Variants in RBFOX1 observed in about 807,000 individuals in gnomAD.
The protein encoded by RBFOX1 is RNA binding protein fox-1 homolog 1.
In RBFOX1, 8 loss-of-function variants were observed where a neutral mutation model predicts 57.7. The ratio of observed to expected loss-of-function variants is 0.14; its 90% confidence interval spans 0.08 to 0.25. The LOEUF (loss-of-function observed/expected upper bound fraction) is 0.25. Ranked by LOEUF, RBFOX1 falls within the 10% of genes least tolerant of loss-of-function variation. RBFOX1 has a pLI of 1.00. For synonymous variants in RBFOX1, 326 were observed against 222.4 expected (o/e 1.47, Z -4.15); for missense variants, 611 against 548.5 (o/e 1.11, Z -1.14).
intron 1 of RBFOX1, among the ~76,000 whole-genome samples, chr16:6,089,443 G>A (rs1052838039): frequency 6.6e-6 from 1 of 152,010 alleles, no homozygotes; most frequent in Admixed American, 6.6e-5. Flanking sequence ...ATACACAGAG[G>A]GCCTATAAGG....
At chr16:7,586,369 T>C (rs1827980) in intron 6 of RBFOX1, among the ~76,000 whole-genome samples, 11,663 of 152,204 alleles carry the variant, frequency 0.077, 1,500 homozygotes, top group African/African-American at 0.26. Context: ...AGCCCATACT[T>C]CCTGTTTTGA....
rs191317965 is a variant in RBFOX1 at position 6,766,827 on chromosome 16, A to G, written c.-16+112177A>G. On this transcript the variant is annotated intron_variant, in intron 3 of 15. Coordinates refer to ENST00000550418, the MANE Select transcript of RBFOX1 (RefSeq NM_018723.4). Reference sequence around the variant, plus strand: ...TTTGGTGAAGTTTCAGGCGAGACCTAAAGGATGGGAGGGGATCTGGGGAAG... The same window carrying G: ...TTTGGTGAAGTTTCAGGCGAGACCTGAAGGATGGGAGGGGATCTGGGGAAG... Among the ~76,000 whole-genome samples, 290 of 152,178 alleles carry G rather than the reference A, an allele frequency of 1.9e-3. 1 individual carries two copies. Among genetic ancestry groups the G allele is most frequent in the Non-Finnish European group, 3.6e-3 (247 of 68,008 alleles).
chr16:6,888,588 G>C (rs2064690312), intron 3 of RBFOX1, among the ~76,000 whole-genome samples: 3 of 151,994 alleles, frequency 2.0e-5, no homozygotes, highest in Admixed American at 2.0e-4. Context: ...TGTCCGTAGG[G>C]TTAGAAGTGC....
intron 2 of RBFOX1, among the ~76,000 whole-genome samples, chr16:6,544,623 G>T: frequency 6.6e-6 from 1 of 152,156 alleles, no homozygotes; most frequent in East Asian, 1.9e-4. Flanking sequence ...GTGCATATAA[G>T]AGACTGGATG....
At chr16:7,227,403 C>G (rs2093206770) in intron 4 of RBFOX1, among the ~76,000 whole-genome samples, 1 of 151,742 alleles carries the variant, frequency 6.6e-6, no homozygotes, top group Non-Finnish European at 1.5e-5. Context: ...CCTTCAACTC[C>G]ACAATGCAGG....
At chr16:5,377,165 G>A (rs1253014660) in intron 1 of RBFOX1, among the ~76,000 whole-genome samples, 1 of 151,620 alleles carries the variant, frequency 6.6e-6, no homozygotes, top group Admixed American at 6.5e-5. Flanking sequence ...TGCCAGACAT[G>A]GGGATAAGCC....
At chr16:5,899,102 A>G (rs529832628) in intron 4 of RBFOX1, among the ~76,000 whole-genome samples, 15 of 140,730 alleles carry the variant, frequency 1.1e-4, no homozygotes, top group Non-Finnish European at 2.3e-4. Context: ...CAGTAGTTGC[A>G]CCACTGCACT....
chr16:6,372,251 A>G (rs1439158481), intron 2 of RBFOX1, among the ~76,000 whole-genome samples: 1 of 151,622 alleles, frequency 6.6e-6, no homozygotes, highest in Admixed American at 6.6e-5. Flanking sequence ...GTTGGGTGGA[A>G]TAGAGATTGG....
At chr16:5,622,526 G>A (rs1366666695) in intron 3 of RBFOX1, among the ~76,000 whole-genome samples, 1 of 152,196 alleles carries the variant, frequency 6.6e-6, no homozygotes, top group Non-Finnish European at 1.5e-5. Context: ...ATTTTTAGAA[G>A]TTGACTCTTG....
chr16:5,659,541 G>T (rs2049576994), intron 3 of RBFOX1, among the ~76,000 whole-genome samples: 1 of 152,010 alleles, frequency 6.6e-6, no homozygotes, highest in Non-Finnish European at 1.5e-5. Flanking sequence ...CTGACCTTGT[G>T]ATCCGTCCGC....
intron 3 of RBFOX1, among the ~76,000 whole-genome samples, chr16:6,906,955 C>T (rs534577008): frequency 5.9e-5 from 9 of 152,120 alleles, no homozygotes; most frequent in Non-Finnish European, 1.2e-4. Context: ...AACTCCTGAC[C>T]TTAAGTGATC....
intron 2 of RBFOX1, among the ~76,000 whole-genome samples, chr16:6,333,726 G>A (rs1001557493): frequency 2.0e-5 from 3 of 152,150 alleles, no homozygotes; most frequent in African/African-American, 4.8e-5. Context: ...ACAGACATTA[G>A]GAATTGGCTT....
intron 2 of RBFOX1, among the ~76,000 whole-genome samples, chr16:6,621,387 C>T (rs2098228941): frequency 6.6e-6 from 1 of 152,178 alleles, no homozygotes; most frequent in Non-Finnish European, 1.5e-5. Context: ...TGGCGTGAAC[C>T]CGGGAGGCGG....
At chr16:6,310,587 G>A (rs970255278) in intron 1 of RBFOX1, among the ~76,000 whole-genome samples, 11 of 152,214 alleles carry the variant, frequency 7.2e-5, no homozygotes, top group African/African-American at 2.4e-4. Flanking sequence ...AGCTCCAAGC[G>A]GTCAAGCAGC....
chr16:6,094,589 G>T lies in RBFOX1; in HGVS notation c.-127+74597G>T, dbSNP rs1448922367. Among the ~76,000 whole-genome samples, 3 of 152,158 alleles carry T rather than the reference G, an allele frequency of 2.0e-5. No individual in the cohort carries two copies. In the South Asian group the frequency reaches 6.2e-4, roughly 32 times the overall value. ...GAAAGGGCTAGTTTTGAAGCAGGTA[G>T]GTCATAGATAAGAGCTCTGGAATTC... On this transcript the variant is annotated intron_variant, in intron 1 of 15. Coordinates refer to ENST00000550418, the MANE Select transcript of RBFOX1 (RefSeq NM_018723.4).
At chr16:6,197,486 C>T (rs2097187667) in intron 1 of RBFOX1, among the ~76,000 whole-genome samples, 1 of 152,130 alleles carries the variant, frequency 6.6e-6, no homozygotes, top group South Asian at 2.1e-4. Context: ...CCTGCTCCAC[C>T]TGAGCACAAT....
chr16:6,848,640 G>T (rs1160222092), intron 3 of RBFOX1, among the ~76,000 whole-genome samples: 1 of 152,030 alleles, frequency 6.6e-6, no homozygotes. Flanking sequence ...GATGATGGAA[G>T]GAAGGAAAGG....
intron 1 of RBFOX1, among the ~76,000 whole-genome samples, chr16:6,190,982 GC>G (rs1392462456): frequency 6.6e-6 from 1 of 152,048 alleles, no homozygotes; most frequent in East Asian, 1.9e-4. Context: ...AGATCGGGCA[GC>G]CTCCCAGCCT....
intron 2 of RBFOX1, among the ~76,000 whole-genome samples, chr16:6,423,801 T>A (rs2093843163): frequency 3.9e-5 from 6 of 151,982 alleles, no homozygotes; most frequent in Admixed American, 3.9e-4. Flanking sequence ...AGGAAGGCCA[T>A]GGTCCAGAGG....
Sources: gnomAD v4.1 joint callset for allele counts (sites outside exome capture counted in the v4.1 genomes callset) on GRCh38, gnomAD v4.1.1 for gene constraint, MANE v1.5 for transcripts, NCBI Gene and HGNC (gene_info 2026-07-23, HGNC 2026-07-21) for gene names.